TLE4: variants seen among roughly 807,000 people sequenced by gnomAD.
TLE4 encodes TLE family member 4, transcriptional corepressor.
TLE4 carries 8 observed loss-of-function variants against 92.8 expected under a neutral mutation model. That is an observed-to-expected ratio of 0.09 (90% confidence interval 0.05 to 0.16). The LOEUF (loss-of-function observed/expected upper bound fraction) is 0.16, where lower values mean the gene tolerates loss of function less well. Ranked by LOEUF, TLE4 falls within the 10% of genes least tolerant of loss-of-function variation. TLE4 has a pLI of 1.00. For missense variants in TLE4, 675 were observed against 997.6 expected (o/e 0.68, Z 4.36); for synonymous variants, 371 against 374.1 (o/e 0.99, Z 0.10).
intron 8 of TLE4, among the ~76,000 whole-genome samples, chr9:79,681,499 T>G (rs1403932554): frequency 1.3e-5 from 2 of 152,110 alleles, no homozygotes; most frequent in Non-Finnish European, 2.9e-5. Context: ...ACAGCATACA[T>G]GCCTGGTAAA....
chr9:79,685,590 A>G (rs541404943), intron 8 of TLE4, among the ~76,000 whole-genome samples: 2 of 152,262 alleles, frequency 1.3e-5, no homozygotes, highest in East Asian at 1.9e-4. Flanking sequence ...CCAGAATACT[A>G]CTCTAGGGGG....
chr9:79,706,577 C>T (rs919880264), intron 10 of TLE4, among the ~76,000 whole-genome samples, 170 bp from the exon 11 acceptor site: 1 of 151,952 alleles, frequency 6.6e-6, no homozygotes, highest in Non-Finnish European at 1.5e-5. Context: ...TTGGGGCCCT[C>T]AATACTGAAT....
intron 8 of TLE4, among the ~76,000 whole-genome samples, chr9:79,688,814 C>T (rs1175263997): frequency 3.3e-5 from 5 of 152,008 alleles, no homozygotes; most frequent in African/African-American, 9.7e-5. Context: ...CTGTTTTCTT[C>T]CATCTCATCT....
intron 14 of TLE4, among the ~76,000 whole-genome samples, chr9:79,710,873 C>CA (rs2073105156): frequency 6.6e-6 from 1 of 152,188 alleles, no homozygotes; most frequent in South Asian, 2.1e-4. Flanking sequence ...GAAGCAGTCT[C>CA]ACTGCCTAGA....
intron 14 of TLE4, among the ~76,000 whole-genome samples, chr9:79,710,530 A>C (rs150829751): frequency 2.6e-3 from 398 of 152,144 alleles, no homozygotes; most frequent in African/African-American, 9.2e-3. Context: ...CTGCCTCCCC[A>C]GTCTCCAGGG....
chr9:79,655,422 C>G (rs2059643098), intron 8 of TLE4, among the ~76,000 whole-genome samples: 1 of 152,092 alleles, frequency 6.6e-6, no homozygotes, highest in Non-Finnish European at 1.5e-5. Context: ...CCTTTTTACT[C>G]CTTGTCGTTT....
chr9:79,701,826 G>A (rs1244142349), intron 8 of TLE4, among the ~76,000 whole-genome samples: 2 of 152,202 alleles, frequency 1.3e-5, no homozygotes, highest in Non-Finnish European at 2.9e-5. Context: ...TTTCTGGGCA[G>A]TTCCCTTCTG....
chr9:79,681,878 G>A (rs2064768393), intron 8 of TLE4, among the ~76,000 whole-genome samples: 1 of 150,164 alleles, frequency 6.7e-6, no homozygotes, highest in Non-Finnish European at 1.5e-5. Context: ...GTGTGTGTGT[G>A]TAATTTGGTA....
At chr9:79,702,115 C>T (rs2070098463) in intron 8 of TLE4, among the ~76,000 whole-genome samples, 1 of 152,110 alleles carries the variant, frequency 6.6e-6, no homozygotes, top group African/African-American at 2.4e-5. Flanking sequence ...GCTACAGGTG[C>T]AACGAAAATA....
intron 1 of TLE4, 172 bp from the exon 2 acceptor site, chr9:79,573,517 C>A: frequency 1.2e-6 from 1 of 824,822 alleles, no homozygotes; most frequent in Non-Finnish European, 1.7e-6. Flanking sequence ...CGAAACCAGC[C>A]TCTGCCTGGG....
At chr9:79,644,343 A>G (rs759991567) in intron 6 of TLE4, among the ~76,000 whole-genome samples, 3 of 152,038 alleles carry the variant, frequency 2.0e-5, no homozygotes, top group African/African-American at 7.2e-5. Flanking sequence ...TCTTTCCTTT[A>G]TAAATTACCC....
chr9:79,723,566 T>C (rs1454136863), intron 19 of TLE4, among the ~76,000 whole-genome samples: 1 of 152,228 alleles, frequency 6.6e-6, no homozygotes, highest in Non-Finnish European at 1.5e-5. Context: ...TACACATATA[T>C]GCACGCGTGC....
chr9:79,707,169 A>T, intron 11 of TLE4: 6 of 1,612,948 alleles, frequency 3.7e-6, no homozygotes, highest in Admixed American at 1.7e-5. Flanking sequence ...AGCGAAGATG[A>T]ACAATGCACA....
At chr9:79,634,397 A>G (rs1219915202) in intron 6 of TLE4, among the ~76,000 whole-genome samples, 5 of 152,212 alleles carry the variant, frequency 3.3e-5, no homozygotes, top group African/African-American at 1.2e-4. Context: ...AGCAGCATAC[A>G]TTTACGGATT....
intron 8 of TLE4, among the ~76,000 whole-genome samples, chr9:79,659,284 G>A (rs2060198747): frequency 6.6e-6 from 1 of 152,156 alleles, no homozygotes; most frequent in Admixed American, 6.5e-5. Flanking sequence ...AGGTACAAGA[G>A]CTATCAATAT....
intron 8 of TLE4, among the ~76,000 whole-genome samples, chr9:79,688,177 C>T (rs546531974): frequency 5.9e-5 from 9 of 152,180 alleles, no homozygotes; most frequent in Non-Finnish European, 1.3e-4. Flanking sequence ...TCCTATAGTG[C>T]TTATAAGGAC....
intron 6 of TLE4, among the ~76,000 whole-genome samples, chr9:79,643,651 AAGTGTTTTT>A: frequency 6.6e-6 from 1 of 152,214 alleles, no homozygotes; most frequent in East Asian, 1.9e-4. Flanking sequence ...GATTTCGGTT[AAGTGTTTTT>A]AGTAGGAATA....
At chr9:79,583,140 A>G (rs947132726) in intron 4 of TLE4, among the ~76,000 whole-genome samples, 6 of 152,108 alleles carry the variant, frequency 3.9e-5, no homozygotes, top group African/African-American at 1.4e-4. Flanking sequence ...CCACAAATCT[A>G]TATACCCTCT....
Position 79,572,834 on chromosome 9 carries a change from C to T in TLE4, c.44C>T (p.Pro15Leu). 6.3e-7 allele frequency: 1 copy of T among 1,598,566 alleles called. No individual in the cohort carries two copies. Among genetic ancestry groups the T allele is most frequent in the Non-Finnish European group, 8.5e-7 (1 of 1,173,440 alleles). ...LSKMYPQTRH[P>L]APHQPAQPFK... ...AAGATGTACCCGCAGACCAGACACCCAGTGAGTGCGGGCGGCGGGGCGCGG... is the reference window on the plus strand; with the variant it reads ...AAGATGTACCCGCAGACCAGACACCTAGTGAGTGCGGGCGGCGGGGCGCGG... Residue 15 changes from proline to leucine, a missense_variant and splice_region_variant, in exon 1 of 20, where the codon CCA becomes CTA. Physicochemically the swap from Pro to Leu is moderately conservative, Grantham distance 98. Transcript: ENST00000376552.
Sources: allele counts gnomAD v4.1 joint callset (sites outside exome capture counted in the v4.1 genomes callset), GRCh38; gene constraint gnomAD v4.1.1; transcripts MANE v1.5; gene names NCBI Gene and HGNC (gene_info 2026-07-23, HGNC 2026-07-21).